NPHP1: variants seen among roughly 807,000 people sequenced by gnomAD.
NPHP1 encodes the protein nephrocystin-1.
A neutral mutation model predicts 90.4 loss-of-function variants in NPHP1; 70 were observed. That is an observed-to-expected ratio of 0.77 (90% CI 0.64 to 0.95). The LOEUF (loss-of-function observed/expected upper bound fraction) is 0.95. NPHP1 is among the 40% of genes least tolerant of loss of function. NPHP1 has a pLI of 0.00. For missense variants in NPHP1, 764 were observed against 795.9 expected, an observed-to-expected ratio of 0.96 and a Z score of 0.48; for synonymous variants, 256 against 271.7, an observed-to-expected ratio of 0.94 and a Z score of 0.57.
chr2:110,164,292 T>G, intron 8 of NPHP1: 1 of 547,996 alleles, frequency 1.8e-6, no homozygotes, highest in Non-Finnish European at 3.2e-6. Flanking sequence ...CTGCTTCAGC[T>G]TCCCAAAATG....
intron 12 of NPHP1, among the ~76,000 whole-genome samples, chr2:110,149,242 GC>G (rs1158065145): frequency 1.3e-5 from 2 of 152,176 alleles, no homozygotes; most frequent in Non-Finnish European, 1.5e-5. Context: ...AGGAAAAAAT[GC>G]TTGCACATAA....
At chr2:110,142,197 T>C (rs1038434067) in intron 16 of NPHP1, among the ~76,000 whole-genome samples, 6 of 152,176 alleles carry the variant, frequency 3.9e-5, no homozygotes, top group South Asian at 2.1e-4. Context: ...AATTTGTGAA[T>C]GAATAAACAC....
intron 17 of NPHP1, 68 bp downstream of exon 17, chr2:110,131,611 G>T: frequency 1.1e-6 from 1 of 882,840 alleles, no homozygotes; most frequent in South Asian, 1.4e-5. Context: ...GATACAAGAT[G>T]GTATAGGTTA....
chr2:110,162,972 G>T, intron 9 of NPHP1, 76 bp downstream of exon 9: 1 of 921,028 alleles, frequency 1.1e-6, no homozygotes, highest in Non-Finnish European at 1.8e-6. Context: ...AATGTGTTTT[G>T]CCTGTGACAG....
intron 15 of NPHP1, chr2:110,143,932 G>A: frequency 2.5e-6 from 1 of 394,874 alleles, no homozygotes; most frequent in Non-Finnish European, 4.7e-6. Flanking sequence ...TCTGTTCCAA[G>A]AAGGCAGGAC....
chr2:110,152,312 C>A (rs917587108), intron 11 of NPHP1, among the ~76,000 whole-genome samples: 79 of 151,190 alleles, frequency 5.2e-4, no homozygotes, highest in African/African-American at 1.8e-3. Context: ...TAAGAATGTA[C>A]AAGAACTTCT....
chr2:110,127,274 T>G (rs1417881564), intron 18 of NPHP1: 1 of 152,190 alleles, frequency 6.6e-6, no homozygotes, highest in Non-Finnish European at 1.5e-5. Context: ...GAGCAGCATC[T>G]TCCACTGATC....
chr2:110,190,708 C>T (rs931799698), intron 2 of NPHP1, among the ~76,000 whole-genome samples: 2 of 152,178 alleles, frequency 1.3e-5, no homozygotes. Context: ...AGAGGAGGCG[C>T]CAAGAGTGAG....
At chr2:110,129,935 A>T (rs1359571123) in intron 17 of NPHP1, among the ~76,000 whole-genome samples, 1 of 152,202 alleles carries the variant, frequency 6.6e-6, no homozygotes, top group Non-Finnish European at 1.5e-5. Flanking sequence ...GGTAACATAA[A>T]CAAAATAAAA....
chr2:110,191,268 AG>A (rs1489535711), intron 2 of NPHP1, among the ~76,000 whole-genome samples: 6 of 152,180 alleles, frequency 3.9e-5, no homozygotes, highest in Non-Finnish European at 7.4e-5. Flanking sequence ...TTCCTAGCCA[AG>A]GAAAGGGATG....
At chr2:110,160,279 A>G (rs1682214930) in intron 10 of NPHP1, 24 bp from the exon 11 acceptor site, 1 of 1,571,402 alleles carries the variant, frequency 6.4e-7, no homozygotes, top group Non-Finnish European at 8.8e-7. Flanking sequence ...TAGTTATAAA[A>G]AAGTTTATTT....
chr2:110,142,679 T>G lies in NPHP1; in HGVS notation c.1529+863A>C, dbSNP rs1251245055. 3.9e-5 allele frequency among the ~76,000 whole-genome samples: 6 copies of G among 152,242 alleles called. No homozygotes were observed. The East Asian group carries it at 9.6e-4, about 24-fold the overall frequency. ...CAACTAGTCTACTGAACATCAGAGC[T>G]TAGACAGGCCTACCTTAAACATGCT... On this transcript the variant is annotated intron_variant, in intron 16 of 19. Transcript: ENST00000445609.
At chr2:110,160,321 G>T in intron 10 of NPHP1, 66 bp from the exon 11 acceptor site, 1 of 1,333,206 alleles carries the variant, frequency 7.5e-7, no homozygotes, top group Non-Finnish European at 1.1e-6. Flanking sequence ...TGTCTTTTGT[G>T]AATTCGGCTT....
In NPHP1 at chr2:110,123,781, G is replaced by A; in HGVS notation, c.*10C>T. ...TTCCGTGGGAAGCTGAGGGCTAGAGGCTGCCACTGTCACACTGCATTCTTT... is the reference window on the plus strand; with the variant it reads ...TTCCGTGGGAAGCTGAGGGCTAGAGACTGCCACTGTCACACTGCATTCTTT... On this transcript the variant is annotated 3_prime_UTR_variant, in exon 20 of 20. Transcript: ENST00000445609. 1 of 1,613,362 alleles carries A rather than the reference G, an allele frequency of 6.2e-7. No individual in the cohort carries two copies.
intron 9 of NPHP1, among the ~76,000 whole-genome samples, chr2:110,162,370 G>A (rs1682406568): frequency 6.6e-6 from 1 of 152,068 alleles, no homozygotes; most frequent in African/African-American, 2.4e-5. Flanking sequence ...AGGCATCTCT[G>A]GGAAGGCAGA....
chr2:110,202,321 C>G (rs11240794), intron 1 of NPHP1: 122,688 of 359,336 alleles, frequency 0.34, 23,053 homozygotes, highest in East Asian at 0.57. Context: ...AGTTTCTTCT[C>G]TACTCTTGCA....
intron 11 of NPHP1, 87 bp downstream of exon 11, chr2:110,160,040 A>C: frequency 7.1e-7 from 1 of 1,399,742 alleles, no homozygotes; most frequent in Non-Finnish European, 1.0e-6. Context: ...TCTCTTGGGA[A>C]TTGGGGAGGA....
chr2:110,128,091 T>C (rs955494005), intron 18 of NPHP1: 8 of 152,150 alleles, frequency 5.3e-5, no homozygotes, highest in African/African-American at 1.7e-4. Context: ...GTTGAAAATG[T>C]CATTATTACT....
chr2:110,194,758 A>G (rs1468793390), intron 2 of NPHP1, among the ~76,000 whole-genome samples: 5 of 152,184 alleles, frequency 3.3e-5, no homozygotes, highest in Admixed American at 2.0e-4. Context: ...AAAATCCTCA[A>G]TAAAATACTG....
Sources: gnomAD v4.1 joint callset for allele counts (sites outside exome capture counted in the v4.1 genomes callset) on GRCh38, gnomAD v4.1.1 for gene constraint, MANE v1.5 for transcripts, NCBI Gene and HGNC (gene_info 2026-07-23, HGNC 2026-07-21) for gene names.